The following ZFHX3 variants were observed in gnomAD, a reference collection of about 807,000 sequenced individuals.
ZFHX3 encodes the protein zinc finger homeobox 3, also known as zinc finger homeobox protein 3.
Under a neutral mutation model 279.1 loss-of-function variants are expected in ZFHX3, and 42 were observed. The observed-to-expected ratio is 0.15, with a 90% confidence interval of 0.12 to 0.19. The LOEUF (loss-of-function observed/expected upper bound fraction) is 0.19. ZFHX3 is among the 10% of genes least tolerant of loss of function. The probability of loss-of-function intolerance (pLI) is 1.00; values close to 1 mark genes in which losing one functional copy is unlikely to be tolerated. For synonymous variants in ZFHX3, 2,293 were observed against 1,957.8 expected (o/e 1.17, Z -4.52); for missense variants, 4,981 against 4,754.0 (o/e 1.05, Z -1.40).
At chr16:73,458,632 T>C (rs1006316112) in intron 2 of ZFHX3, among the ~76,000 whole-genome samples, 62 of 152,222 alleles carry the variant, frequency 4.1e-4, no homozygotes, top group African/African-American at 1.2e-3. Context: ...ACTTTTGAAC[T>C]GCTCTTTAGA....
At chr16:72,841,172 C>T (rs545268851) in intron 4 of ZFHX3, among the ~76,000 whole-genome samples, 14 of 152,284 alleles carry the variant, frequency 9.2e-5, no homozygotes, top group African/African-American at 3.4e-4. Context: ...GAAGCCAGAC[C>T]CAAGACATTT....
chr16:73,247,342 T>A (rs2013316045), intron 5 of ZFHX3, among the ~76,000 whole-genome samples: 1 of 152,054 alleles, frequency 6.6e-6, no homozygotes, highest in African/African-American at 2.4e-5. Context: ...GTATACTGTG[T>A]ATATAACGTA....
chr16:72,892,015 C>T (rs1458322277), intron 3 of ZFHX3, among the ~76,000 whole-genome samples: 1 of 152,218 alleles, frequency 6.6e-6, no homozygotes, highest in Non-Finnish European at 1.5e-5. Flanking sequence ...CTGCACTCCA[C>T]GCAATCCTGA....
At chr16:73,505,849 G>A (rs779758749) in intron 2 of ZFHX3, among the ~76,000 whole-genome samples, 15 of 152,262 alleles carry the variant, frequency 9.9e-5, no homozygotes, top group Non-Finnish European at 1.5e-4. Context: ...ACACATGAAT[G>A]TGAATAGGCT....
chr16:73,865,775 C>A (rs1234262766), intron 1 of ZFHX3, among the ~76,000 whole-genome samples: 1 of 151,164 alleles, frequency 6.6e-6, no homozygotes, highest in African/African-American at 2.4e-5. Flanking sequence ...GTCAGGAGAT[C>A]AAGACCATCC....
chr16:72,888,621 C>A (rs777048746), intron 4 of ZFHX3, among the ~76,000 whole-genome samples: 15 of 152,098 alleles, frequency 9.9e-5, no homozygotes, highest in Non-Finnish European at 2.2e-4. Flanking sequence ...AGTCAGAGGA[C>A]AAGAGAAAAA....
At chr16:73,797,373 T>C (rs961597916) in intron 1 of ZFHX3, among the ~76,000 whole-genome samples, 3 of 152,230 alleles carry the variant, frequency 2.0e-5, no homozygotes, top group Non-Finnish European at 2.9e-5. Flanking sequence ...CCTGCTCCTG[T>C]AGGGCCAGAG....
chr16:72,956,059 A>C (rs1332851270), intron 2 of ZFHX3, among the ~76,000 whole-genome samples: 1 of 152,246 alleles, frequency 6.6e-6, no homozygotes, highest in Non-Finnish European at 1.5e-5. Flanking sequence ...TTTGGTAATA[A>C]AGGATCAACA....
intron 4 of ZFHX3, among the ~76,000 whole-genome samples, chr16:73,302,170 C>A (rs1776269376): frequency 6.6e-6 from 1 of 152,080 alleles, no homozygotes; most frequent in Admixed American, 6.5e-5. Context: ...TCTTTCTTTT[C>A]CCCCTTTCTA....
At chr16:73,569,098 A>G (rs746416292) in intron 2 of ZFHX3, among the ~76,000 whole-genome samples, 1 of 152,066 alleles carries the variant, frequency 6.6e-6, no homozygotes, top group Non-Finnish European at 1.5e-5. Flanking sequence ...CAAGCCAGGG[A>G]CCTTAGCATG....
intron 1 of ZFHX3, among the ~76,000 whole-genome samples, chr16:73,042,136 T>A (rs1200776850): frequency 6.6e-6 from 1 of 152,206 alleles, no homozygotes; most frequent in Non-Finnish European, 1.5e-5. Context: ...AAAAGCGATG[T>A]TTGCATACTG....
intron 1 of ZFHX3, among the ~76,000 whole-genome samples, chr16:73,736,511 TG>T (rs1341287555): frequency 1.3e-5 from 2 of 152,318 alleles, no homozygotes; most frequent in African/African-American, 4.8e-5. Flanking sequence ...GCCACTTTGA[TG>T]TTTATGAAAT....
intron 6 of ZFHX3, among the ~76,000 whole-genome samples, chr16:73,131,896 C>G (rs1966690417): frequency 1.3e-5 from 2 of 152,272 alleles, no homozygotes; most frequent in South Asian, 4.1e-4. Context: ...TGTTGTGAGG[C>G]TCACATGTTT....
intron 1 of ZFHX3, among the ~76,000 whole-genome samples, chr16:73,770,473 C>T (rs534591253): frequency 2.0e-5 from 3 of 152,258 alleles, no homozygotes; most frequent in African/African-American, 7.2e-5. Flanking sequence ...TTGTTACAAC[C>T]ACCACAGAAA....
At chr16:73,801,268 T>C (rs112976097) in intron 1 of ZFHX3, among the ~76,000 whole-genome samples, 2 of 152,136 alleles carry the variant, frequency 1.3e-5, no homozygotes, top group African/African-American at 2.4e-5. Flanking sequence ...GCCTGAGCAA[T>C]TCAAACCAGT....
At chr16:73,254,221 T>G (rs1168337216) in intron 5 of ZFHX3, among the ~76,000 whole-genome samples, 7 of 152,168 alleles carry the variant, frequency 4.6e-5, no homozygotes, top group Non-Finnish European at 1.0e-4. Context: ...ATACACATGG[T>G]CTGAGGCACT....
At chr16:73,375,100 A>G (rs1395809184) in intron 3 of ZFHX3, among the ~76,000 whole-genome samples, 1 of 152,010 alleles carries the variant, frequency 6.6e-6, no homozygotes, top group Admixed American at 6.5e-5. Context: ...CTCCTTTTTA[A>G]TAAAGCTGGA....
Position 72,787,700 on chromosome 16 carries a change from C to G in ZFHX3, c.10576G>C (p.Gly3526Arg). The change falls in exon 10 of 10, where the codon GGC becomes CGC. Residue 3526 changes from glycine to arginine, a missense_variant. This residue lies in a region of ZFHX3 where 1,034 missense variants were observed against 786.0 expected (regional missense o/e 1.32). Coordinates refer to ENST00000268489, the MANE Select transcript of ZFHX3 (RefSeq NM_006885.4). Reference protein sequence around the residue: ...GGGGGGGGGGGGSYHCLACES... With the variant: ...GGGGGGGGGGRGSYHCLACES... ...CACGCCAGGCAGTGGTACGAGCCGCCGCCGCCGCCGCCGCCGCCACCGCCG... is the reference window on the plus strand; with the variant it reads ...CACGCCAGGCAGTGGTACGAGCCGCGGCCGCCGCCGCCGCCGCCACCGCCG... 1 of 1,314,232 alleles carries G rather than the reference C, an allele frequency of 7.6e-7. No individual in the cohort carries two copies. Among genetic ancestry groups the G allele is most frequent in the South Asian group, 2.2e-5 (1 of 45,616 alleles). The allele number at this position is 1,314,232 out of a possible 1,614,324, so 81.4% of individuals were successfully genotyped here.
At chr16:73,516,287 C>G (rs151325726) in intron 2 of ZFHX3, among the ~76,000 whole-genome samples, 1 of 152,126 alleles carries the variant, frequency 6.6e-6, no homozygotes, top group African/African-American at 2.4e-5. Flanking sequence ...TACATCCTAC[C>G]GTGGCTGATG....
Sources: allele counts gnomAD v4.1 joint callset (sites outside exome capture counted in the v4.1 genomes callset), GRCh38; gene constraint gnomAD v4.1.1; regional missense constraint gnomAD v4.1.1; transcripts MANE v1.5; gene names NCBI Gene and HGNC (gene_info 2026-07-23, HGNC 2026-07-21).